ERCC1: variants seen among roughly 807,000 people sequenced by gnomAD.
ERCC1 encodes the protein ERCC excision repair 1, endonuclease non-catalytic subunit.
A neutral mutation model predicts 37.6 loss-of-function variants in ERCC1; 36 were observed. The observed-to-expected ratio is 0.96, with a 90% CI of 0.73 to 1.26. The LOEUF is 1.26. ERCC1 is among the 50% of genes most tolerant of loss of function. The probability of loss-of-function intolerance (pLI) is 0.00; values close to 1 mark genes in which losing one functional copy is unlikely to be tolerated. For missense variants in ERCC1, 349 were observed against 376.5 expected, an observed-to-expected ratio of 0.93 and a Z score of 0.60; for synonymous variants, 156 against 162.1, an observed-to-expected ratio of 0.96 and a Z score of 0.28.
At chr19:45,432,094 C>T (rs1246876940) in intron 1 of ERCC1, among the ~76,000 whole-genome samples, 1 of 152,012 alleles carries the variant, frequency 6.6e-6, no homozygotes, top group South Asian at 2.1e-4. Flanking sequence ...GCCTCAGCCT[C>T]CCGAGTAGCT....
chr19:45,450,911 C>T (rs1406717257), intron 1 of ERCC1, among the ~76,000 whole-genome samples: 1 of 142,662 alleles, frequency 7.0e-6, no homozygotes, highest in African/African-American at 2.6e-5. Context: ...CCCCCACGCC[C>T]GCGCAGACGC....
intron 1 of ERCC1, among the ~76,000 whole-genome samples, chr19:45,447,222 C>T (rs1333755737): frequency 6.6e-6 from 1 of 151,646 alleles, no homozygotes; most frequent in Non-Finnish European, 1.5e-5. Context: ...TGGCCTTCTG[C>T]TCTGGGAATG....
At chr19:45,428,702 A>G (rs1162211059), upstream of ERCC1, among the ~76,000 whole-genome samples, 1 of 152,192 alleles carries the variant, frequency 6.6e-6, no homozygotes, top group Non-Finnish European at 1.5e-5. Context: ...AGGGGACCTG[A>G]ACGGGGGGCG....
chr19:45,449,638 C>T (rs188633673), intron 1 of ERCC1, among the ~76,000 whole-genome samples: 1 of 152,080 alleles, frequency 6.6e-6, no homozygotes, highest in Non-Finnish European at 1.5e-5. Context: ...GCACTCTAGC[C>T]TGGGCAACAG....
chr19:45,408,099 C>T lies in ERCC1; in HGVS notation c.*1576G>A. The T allele has an allele frequency of 6.5e-7, 1 of 1,540,966 alleles. No individual in the cohort carries two copies. The highest frequency in any genetic ancestry group is 8.8e-7 in the Non-Finnish European group (1 of 1,135,958). On this transcript the variant is annotated 3_prime_UTR_variant, in exon 10 of 10. Coordinates refer to ENST00000300853, the MANE Select transcript of ERCC1 (RefSeq NM_001983.4). The stretch of plus-strand genomic sequence containing the variant: ...AAAAAACCTTCCCTCTCCTGTTCCA[C>T]TTAAGCCTCTGCCCTCCCTGTTTCT...
chr19:45,433,560 C>T (rs113623506), intron 1 of ERCC1, among the ~76,000 whole-genome samples: 3,318 of 151,636 alleles, frequency 0.022, 58 homozygotes, highest in African/African-American at 0.043. Context: ...TGGTGGTGCA[C>T]GGATGTAATC....
intron 1 of ERCC1, among the ~76,000 whole-genome samples, chr19:45,439,734 C>T (rs1769983770): frequency 6.6e-6 from 1 of 151,998 alleles, no homozygotes; most frequent in Admixed American, 6.6e-5. Flanking sequence ...CGCCGGCGCC[C>T]GGGAGCCCGG....
At position 45,413,759 on chromosome 19, in the gene ERCC1, G is replaced by T. The variant is rs753536654; in HGVS notation, c.775-14C>A. The T allele has an allele frequency of 6.2e-7, 1 of 1,612,658 alleles. No individual in the cohort carries two copies. The highest frequency in any genetic ancestry group is 8.5e-7 in the Non-Finnish European group (1 of 1,180,030). ...CTGTTCCAGAGACTGAAAGGTGAAAGCGAGGGGTCAGGGCAGTTGAGCACA... is the reference window on the plus strand; with the variant it reads ...CTGTTCCAGAGACTGAAAGGTGAAATCGAGGGGTCAGGGCAGTTGAGCACA... On this transcript the variant is annotated splice_polypyrimidine_tract_variant and intron_variant, in intron 8 of 9. Transcript: ENST00000300853.
At chr19:45,440,423 T>A (rs780008043) in intron 1 of ERCC1, among the ~76,000 whole-genome samples, 11 of 151,758 alleles carry the variant, frequency 7.2e-5, no homozygotes, top group Non-Finnish European at 1.3e-4. Flanking sequence ...TCACAGGGAG[T>A]CAGGAGACCT....
chr19:45,438,618 G>A (rs765840937), intron 1 of ERCC1, among the ~76,000 whole-genome samples: 7 of 151,320 alleles, frequency 4.6e-5, no homozygotes, highest in Non-Finnish European at 8.8e-5. Context: ...GCACTATCAC[G>A]CCCGGCTAAT....
chr19:45,421,001 C>T (rs567586794), intron 3 of ERCC1, among the ~76,000 whole-genome samples, 177 bp downstream of exon 3: 3 of 152,254 alleles, frequency 2.0e-5, no homozygotes, highest in African/African-American at 7.2e-5. Flanking sequence ...ACAGCCCCAG[C>T]AAGTAGAGCT....
At chr19:45,426,959 T>TCAAAAAA (rs35772076), upstream of ERCC1, among the ~76,000 whole-genome samples, 2 of 92,462 alleles carry the variant, frequency 2.2e-5, no homozygotes, top group Non-Finnish European at 4.2e-5. Flanking sequence ...AAACTCCATC[T>TCAAAAAA]AAAAAAAAAA....
At chr19:45,431,786 G>A (rs1043469216) in intron 1 of ERCC1, among the ~76,000 whole-genome samples, 1 of 151,968 alleles carries the variant, frequency 6.6e-6, no homozygotes, top group African/African-American at 2.4e-5. Flanking sequence ...AGCTGCTTGG[G>A]AGGTTGAGGT....
At chr19:45,411,415 T>C (rs1973728656) in intron 9 of ERCC1, among the ~76,000 whole-genome samples, 2 of 151,866 alleles carry the variant, frequency 1.3e-5, no homozygotes, top group Admixed American at 6.6e-5. Flanking sequence ...CCATCAAAAG[T>C]ATATGAGGGT....
intron 1 of ERCC1, among the ~76,000 whole-genome samples, chr19:45,448,918 C>G (rs1967029615): frequency 6.6e-6 from 1 of 152,074 alleles, no homozygotes; most frequent in African/African-American, 2.4e-5. Flanking sequence ...CTTACCAAGC[C>G]AGGTCTCCTC....
chr19:45,447,177 CAT>C (rs1568602955), intron 1 of ERCC1, among the ~76,000 whole-genome samples: 1 of 152,020 alleles, frequency 6.6e-6, no homozygotes, highest in Non-Finnish European at 1.5e-5. Flanking sequence ...CGTGCAGCAA[CAT>C]GTGAAACACA....
intron 7 of ERCC1, chr19:45,414,547 G>A (rs1973935459): frequency 9.9e-6 from 4 of 405,430 alleles, no homozygotes; most frequent in Non-Finnish European, 1.9e-5. Context: ...TTGGAGAAGC[G>A]AGCTAGGCCT....
upstream of ERCC1, among the ~76,000 whole-genome samples, chr19:45,428,700 T>A (rs926058477): frequency 1.9e-4 from 29 of 152,138 alleles, no homozygotes; most frequent in South Asian, 4.1e-4. Context: ...AAAGGGGACC[T>A]GAACGGGGGG....
chr19:45,437,314 C>T (rs1047633680), intron 1 of ERCC1, among the ~76,000 whole-genome samples: 6 of 151,848 alleles, frequency 4.0e-5, no homozygotes, highest in Non-Finnish European at 8.8e-5. Flanking sequence ...AAAATAAAAT[C>T]GTACATATGG....
Sources: gnomAD v4.1 joint callset for allele counts (sites outside exome capture counted in the v4.1 genomes callset) on GRCh38, gnomAD v4.1.1 for gene constraint, MANE v1.5 for transcripts, NCBI Gene and HGNC (gene_info 2026-07-23, HGNC 2026-07-21) for gene names.